The following CHD8 variants were observed in gnomAD, a reference collection of about 807,000 sequenced individuals.
The protein encoded by CHD8 is ATP-dependent chromatin remodeler CHD8.
Under a neutral mutation model 279.2 loss-of-function variants are expected in CHD8, and 31 were observed. The ratio of observed to expected loss-of-function variants is 0.11; its 90% CI spans 0.08 to 0.15. The LOEUF (loss-of-function observed/expected upper bound fraction) is 0.15, where lower values mean the gene tolerates loss of function less well. Ranked by LOEUF, CHD8 falls within the 10% of genes least tolerant of loss-of-function variation. The pLI is 1.00. For synonymous variants in CHD8, 1,081 were observed against 1,139.6 expected, an observed-to-expected ratio of 0.95 and a Z score of 1.04; for missense variants, 2,146 against 3,230.5, an observed-to-expected ratio of 0.66 and a Z score of 8.14.
chr14:21,444,356 A>G (rs560792826), intron 1 of CHD8, among the ~76,000 whole-genome samples: 21 of 152,322 alleles, frequency 1.4e-4, no homozygotes, highest in African/African-American at 5.1e-4. Flanking sequence ...GGCCTCCAAA[A>G]TAGTTTAGTT....
rs1272354128 is a variant in CHD8, at chr14:21,401,079, G to A, written c.4174-8C>T. 6.3e-7 allele frequency: 1 copy of A among 1,585,314 alleles called. No individual in the cohort carries two copies. Among genetic ancestry groups the A allele is most frequent in the African/African-American group, 1.4e-5 (1 of 73,986 alleles). On this transcript the variant is annotated splice_polypyrimidine_tract_variant and splice_region_variant and intron_variant, in intron 21 of 37. Transcript: ENST00000646647. ...GTCAATTACCAAATTATTCTATGAA[G>A]AGAACAGAAGGAGAAGTAATTCTCT...
At position 21,397,863 on chromosome 14, in the gene CHD8, C is replaced by G; in HGVS notation, c.5011G>C (p.Glu1671Gln). The G allele has an allele frequency of 6.2e-7, 1 of 1,613,508 alleles. No individual in the cohort carries two copies. The highest frequency in any genetic ancestry group is 8.5e-7 in the Non-Finnish European group (1 of 1,179,650). ...GRPDDKAIAA[E>Q]HRVLDNFSDI... ...GAGAAGTTATCCAACACTCGATGTT[C>G]TGCTGCAATTGCTTTGTCATCTGGT... Residue 1671 changes from glutamate (E) to glutamine (Q), a missense_variant, in exon 27 of 38, where the codon GAA becomes CAA. Glu to Gln is a conservative substitution (Grantham distance 29, BLOSUM62 2). This residue lies in a region of CHD8 where 75 missense variants were observed against 81.3 expected (regional missense o/e 0.92). Transcript: ENST00000646647.
At chr14:21,452,855 G>A (rs1281499294) in intron 1 of CHD8, among the ~76,000 whole-genome samples, 7 of 151,014 alleles carry the variant, frequency 4.6e-5, no homozygotes, top group Middle Eastern at 3.5e-3. Context: ...ATGGTGGTGC[G>A]CGCCTGTAGT....
At chr14:21,452,165 C>T (rs547277261) in intron 1 of CHD8, among the ~76,000 whole-genome samples, 5 of 152,156 alleles carry the variant, frequency 3.3e-5, no homozygotes, top group Admixed American at 6.5e-5. Flanking sequence ...CTCAGCCTCC[C>T]GAGTAGCTGG....
intron 5 of CHD8, among the ~76,000 whole-genome samples, chr14:21,417,657 A>G (rs1286744917): frequency 6.6e-6 from 1 of 151,860 alleles, no homozygotes; most frequent in Non-Finnish European, 1.5e-5. Context: ...GATTGAGACC[A>G]TCCTGGCTAA....
intron 25 of CHD8, 57 bp downstream of exon 25, chr14:21,399,924 C>T: frequency 1.4e-6 from 2 of 1,405,678 alleles, no homozygotes; most frequent in Non-Finnish European, 2.0e-6. Context: ...AATAAGCAAA[C>T]CAATCTTCCC....
chr14:21,392,295 T>C lies in CHD8; in HGVS notation c.6771+212A>G, dbSNP rs556888476. The C allele has an allele frequency of 1.3e-4, 99 of 765,014 alleles. No homozygotes were observed. The South Asian group carries it at 1.4e-3, about 11-fold the overall frequency. 47.4% of individuals were successfully genotyped at this position (765,014 alleles called of 1,614,324 possible). On this transcript the variant is annotated intron_variant, in intron 34 of 37. Coordinates refer to ENST00000646647, the MANE Select transcript of CHD8 (RefSeq NM_001170629.2). ...CTAAGCATACTAATTTAAGAAACTT[T>C]TGTTGAATATTAATAGGATTAATAA...
rs1888204825 is a variant in CHD8 at position 21,405,105 on chromosome 14, AT to A, written c.3307+103del. The stretch of plus-strand genomic sequence containing the variant: ...TCCCATTCCTCAGTCCGCACCCCAA[AT>A]TAGGTTGGTTGAGTCAATGCATCCA... On this transcript the variant is annotated intron_variant, in intron 16 of 37. Coordinates refer to ENST00000646647, the MANE Select transcript of CHD8 (RefSeq NM_001170629.2). This position sits in a 1 kb window ranked among gnomAD's most constrained non-coding sequence, Gnocchi z 4.2. The A allele has an allele frequency of 8.8e-7, 1 of 1,142,100 alleles. No homozygotes were observed. The highest frequency in any genetic ancestry group is 2.2e-5 in the Admixed American group (1 of 44,480). The allele number at this position is 1,142,100 out of a possible 1,614,324, so 70.7% of individuals were successfully genotyped here.
intron 9 of CHD8, 52 bp downstream of exon 9, chr14:21,414,249 G>T: frequency 1.1e-6 from 1 of 915,366 alleles, no homozygotes; most frequent in African/African-American, 1.6e-5. Context: ...GACAACCCCA[G>T]TAATTTGTGC....
chr14:21,388,292 C>A (rs1404866583), intron 37 of CHD8, among the ~76,000 whole-genome samples: 1 of 152,084 alleles, frequency 6.6e-6, no homozygotes, highest in Non-Finnish European at 1.5e-5. Flanking sequence ...ATGGATTCAA[C>A]CATCTGTGGA....
Position 21,409,917 on chromosome 14 carries a change from A to C in CHD8, c.2298T>G (p.Asp766Glu). Residue 766 changes from aspartate (D) to glutamate (E), a missense_variant, in exon 11 of 38, where the codon GAT becomes GAG. Asp to Glu is a conservative substitution (Grantham distance 45). Coordinates refer to ENST00000646647, the MANE Select transcript of CHD8 (RefSeq NM_001170629.2). ...YEDSTWELKEDVDEGKIREFK... is the reference protein window; with the variant it reads ...YEDSTWELKEEVDEGKIREFK... ...ATTCTCGAATCTTGCCCTCATCAACATCTTCTTTTAGCTCCCATGTGCTAT... is the reference window on the plus strand; with the variant it reads ...ATTCTCGAATCTTGCCCTCATCAACCTCTTCTTTTAGCTCCCATGTGCTAT... 1 of 1,613,816 alleles carries C rather than the reference A, an allele frequency of 6.2e-7. No homozygotes were observed. The highest frequency in any genetic ancestry group is 8.5e-7 in the Non-Finnish European group (1 of 1,179,752).
intron 10 of CHD8, among the ~76,000 whole-genome samples, chr14:21,410,407 C>G (rs1888439724): frequency 6.6e-6 from 1 of 152,202 alleles, no homozygotes; most frequent in African/African-American, 2.4e-5. Flanking sequence ...TCAGCTTATA[C>G]TGGCTTCTGG....
intron 1 of CHD8, among the ~76,000 whole-genome samples, chr14:21,453,016 T>C (rs906694295): frequency 1.3e-5 from 2 of 149,438 alleles, no homozygotes. Context: ...AACAAAGAAA[T>C]ACAACTGTCA....
chr14:21,407,826 C>T (rs1319526099), intron 13 of CHD8, among the ~76,000 whole-genome samples: 1 of 152,076 alleles, frequency 6.6e-6, no homozygotes, highest in Non-Finnish European at 1.5e-5. Flanking sequence ...CCAGGCTGGT[C>T]TAGAACTCCC....
intron 1 of CHD8, among the ~76,000 whole-genome samples, chr14:21,441,266 C>T (rs1161211585): frequency 6.6e-6 from 1 of 152,156 alleles, no homozygotes; most frequent in Non-Finnish European, 1.5e-5. Flanking sequence ...CCTTTGATTT[C>T]ACACCATTCT....
rs995984917 is a variant in CHD8 at position 21,405,813 on chromosome 14, G to A, written c.2959C>T (p.Leu987=). The part of the protein sequence containing the change: ...GTPLQNTVEE[L]FSLLHFLEPS... ...TCCAAGAAATGAAGCAAGCTAAACA[G>A]TTCTTCTACAGTATTTTGCAATGGT... Residue 987 remains leucine, a synonymous_variant, in exon 15 of 38, where the codon CTG becomes TTG. Transcript: ENST00000646647. This position sits in a 1 kb window ranked among gnomAD's most constrained non-coding sequence, Gnocchi z 4.2. The A allele has an allele frequency of 2.5e-6, 4 of 1,613,644 alleles. No individual in the cohort carries two copies. In the Admixed American group the frequency reaches 6.7e-5, roughly 27 times the overall value.
At chr14:21,455,246 C>T (rs1437394247) in intron 1 of CHD8, 2 of 152,210 alleles carry the variant, frequency 1.3e-5, no homozygotes, top group East Asian at 3.8e-4. Context: ...TGTGAAGACC[C>T]TAACCGCTTC....
intron 1 of CHD8, among the ~76,000 whole-genome samples, chr14:21,449,944 T>G (rs1472949824): frequency 6.6e-6 from 1 of 152,112 alleles, no homozygotes; most frequent in African/African-American, 2.4e-5. Context: ...AGCACTAAAT[T>G]TTATAGGAGA....
rs780726422 is a variant in CHD8, at chr14:21,386,182, A to G, written c.7183-6T>C. On this transcript the variant is annotated splice_region_variant and splice_polypyrimidine_tract_variant and intron_variant, in intron 37 of 37. Coordinates refer to ENST00000646647, the MANE Select transcript of CHD8 (RefSeq NM_001170629.2). ...ACCGTTTCAGTGTGATGACCCTAGG[A>G]GGAGGGAATAGAAGATAATAAAAAG... 1.5e-5 allele frequency: 23 copies of G among 1,549,860 alleles called. No homozygotes were observed. Among genetic ancestry groups the G allele is most frequent in the Non-Finnish European group, 1.7e-5 (19 of 1,145,820 alleles).
Sources: gnomAD v4.1 joint callset for allele counts (sites outside exome capture counted in the v4.1 genomes callset) on GRCh38, gnomAD v4.1.1 for gene constraint, gnomAD v4.1.1 regional missense constraint, Gnocchi (gnomAD v3.1) non-coding constraint, MANE v1.5 for transcripts, NCBI Gene and HGNC (gene_info 2026-07-23, HGNC 2026-07-21) for gene names.